Variants in FAM169A observed in about 807,000 individuals in gnomAD.
FAM169A encodes the protein soluble lamin-associated protein of 75 kDa.
In FAM169A, 24 loss-of-function variants were observed where a neutral mutation model predicts 75.7. That is an observed-to-expected ratio of 0.32 (90% CI 0.23 to 0.45). The LOEUF (loss-of-function observed/expected upper bound fraction) is 0.45. Among genes scored for constraint, FAM169A ranks in the 20% least tolerant of loss-of-function variants. The pLI, the probability that FAM169A is intolerant of heterozygous loss-of-function variation, is 1.00. For synonymous variants in FAM169A, 271 were observed against 271.0 expected (o/e 1.00, Z 0.00); for missense variants, 673 against 784.0 (o/e 0.86, Z 1.69).
chr5:74,853,653 T>C (rs16872345), intron 1 of FAM169A, among the ~76,000 whole-genome samples: 22,110 of 151,750 alleles, frequency 0.15, 1,870 homozygotes, highest in African/African-American at 0.23. Flanking sequence ...CCTTGCAATA[T>C]AGTTTCTTCG....
At position 74,833,516 on chromosome 5, in the gene FAM169A, A is replaced by G. The variant is rs557916712; in HGVS notation, c.490+910T>C. Among the ~76,000 whole-genome samples the G allele has an allele frequency of 1.2e-4, 18 of 152,330 alleles. No homozygotes were observed. The East Asian group carries it at 2.3e-3, about 20-fold the overall frequency. Reference sequence around the variant, plus strand: ...GGAAAAAATGACCTTCCTTTTATGGACTATACGCACTAATTCTCATCACAA... The same window carrying G: ...GGAAAAAATGACCTTCCTTTTATGGGCTATACGCACTAATTCTCATCACAA... On this transcript the variant is annotated intron_variant, in intron 5 of 12. Coordinates refer to ENST00000687041, the MANE Select transcript of FAM169A (RefSeq NM_001376049.1).
chr5:74,811,763 T>A (rs1747204966), intron 6 of FAM169A, among the ~76,000 whole-genome samples: 1 of 152,212 alleles, frequency 6.6e-6, no homozygotes. Flanking sequence ...AAGTGATATG[T>A]CCATAAAATG....
chr5:74,866,014 C>G, intron 1 of FAM169A, 151 bp downstream of exon 1: 1 of 218,134 alleles, frequency 4.6e-6, no homozygotes, highest in Middle Eastern at 2.4e-3. Context: ...CACTGGTCTG[C>G]GCCAGGCCCA....
Position 74,806,626 on chromosome 5 carries a change from T to C in FAM169A, c.671-1342A>G, listed in dbSNP as rs182651254. Among the ~76,000 whole-genome samples the C allele has an allele frequency of 5.8e-4, 88 of 152,258 alleles. 1 individual carries two copies. The highest frequency in any genetic ancestry group is 1.9e-4 in the Non-Finnish European group (13 of 68,004). The stretch of plus-strand genomic sequence containing the variant: ...CTATTACCAGCACTGTCCAATACAG[T>C]AGCCACTAGCCACATGTGACTACTG... On this transcript the variant is annotated intron_variant, in intron 6 of 12. Coordinates refer to ENST00000687041, the MANE Select transcript of FAM169A (RefSeq NM_001376049.1).
At chr5:74,808,210 A>G (rs1014132855) in intron 6 of FAM169A, among the ~76,000 whole-genome samples, 6 of 152,254 alleles carry the variant, frequency 3.9e-5, no homozygotes, top group African/African-American at 1.4e-4. Flanking sequence ...GCCAAAAGGT[A>G]GAAACAACCT....
chr5:74,805,993 A>AAG (rs60158335), intron 6 of FAM169A, among the ~76,000 whole-genome samples: 1 of 150,744 alleles, frequency 6.6e-6, no homozygotes, highest in Non-Finnish European at 1.5e-5. Context: ...AAAAAAAAAA[A>AAG]GAAATAATAT....
chr5:74,791,270 T>C (rs571741887), intron 11 of FAM169A, among the ~76,000 whole-genome samples: 3 of 152,280 alleles, frequency 2.0e-5, no homozygotes, highest in Non-Finnish European at 2.9e-5. Context: ...ATCCAGTATA[T>C]GGTACTGTTT....
intron 5 of FAM169A, among the ~76,000 whole-genome samples, chr5:74,831,587 T>A (rs1748312607): frequency 6.6e-6 from 1 of 152,140 alleles, no homozygotes; most frequent in Non-Finnish European, 1.5e-5. Context: ...AATCCAAACA[T>A]CCAAAATCTG....
intron 6 of FAM169A, among the ~76,000 whole-genome samples, chr5:74,805,946 T>A (rs1746854637): frequency 8.8e-6 from 1 of 113,050 alleles, no homozygotes; most frequent in African/African-American, 3.5e-5. Flanking sequence ...ATTCAGTATG[T>A]ACAACTATTA....
intron 1 of FAM169A, chr5:74,865,367 G>A (rs1381808660): frequency 1.3e-5 from 2 of 152,150 alleles, no homozygotes; most frequent in African/African-American, 2.4e-5. Flanking sequence ...CCCAGCGGGG[G>A]AAGGTGACCT....
chr5:74,812,969 T>C (rs550816374), intron 6 of FAM169A, among the ~76,000 whole-genome samples: 1 of 152,206 alleles, frequency 6.6e-6, no homozygotes, highest in Non-Finnish European at 1.5e-5. Context: ...AGCCATACAA[T>C]GGAATATTAT....
At chr5:74,799,632 C>T (rs1272772665) in intron 10 of FAM169A, 31 of 1,393,758 alleles carry the variant, frequency 2.2e-5, no homozygotes, top group Admixed American at 1.7e-4. Context: ...TCAGCTTCTC[C>T]GCCAGTGGGA....
At chr5:74,845,826 A>C (rs1749127973) in intron 1 of FAM169A, among the ~76,000 whole-genome samples, 1 of 152,238 alleles carries the variant, frequency 6.6e-6, no homozygotes, top group Non-Finnish European at 1.5e-5. Flanking sequence ...GAAAAGGATC[A>C]CAAAATAAAA....
chr5:74,782,806 A>G, intron 12 of FAM169A, 125 bp downstream of exon 12: 1 of 567,760 alleles, frequency 1.8e-6, no homozygotes, highest in South Asian at 3.1e-5. Context: ...ATCTAGTATA[A>G]AAGTTAATCT....
chr5:74,824,075 C>T (rs1482041556), intron 5 of FAM169A, among the ~76,000 whole-genome samples: 2 of 152,108 alleles, frequency 1.3e-5, no homozygotes, highest in African/African-American at 4.8e-5. Context: ...AGAAAAAATG[C>T]TTCCATTACA....
At position 74,778,899 on chromosome 5, in the gene FAM169A, A is replaced by G. The variant is rs925513436; in HGVS notation, c.*2561T>C. On this transcript the variant is annotated 3_prime_UTR_variant, in exon 13 of 13. Transcript: ENST00000687041. ...CCTCTGTAATTGTGAAATTTTTTCTAATGCCTTGCAAAAACTACAGATAAC... is the reference window on the plus strand; with the variant it reads ...CCTCTGTAATTGTGAAATTTTTTCTGATGCCTTGCAAAAACTACAGATAAC... 6.6e-6 allele frequency: 1 copy of G among 152,096 alleles called. No homozygotes were observed. The highest frequency in any genetic ancestry group is 1.5e-5 in the Non-Finnish European group (1 of 67,920). 9.4% of individuals were successfully genotyped at this position (152,096 alleles called of 1,614,324 possible). A position where few individuals can be genotyped will look rare whatever the true frequency, so the allele number is the denominator to read the frequency against.
At chr5:74,837,122 T>C (rs911781048) in intron 4 of FAM169A, among the ~76,000 whole-genome samples, 3 of 152,182 alleles carry the variant, frequency 2.0e-5, no homozygotes, top group East Asian at 3.8e-4. Context: ...TATTAAGATT[T>C]TCCCTTCTCC....
Position 74,796,098 on chromosome 5 carries a change from T to C in FAM169A, c.1192A>G (p.Ser398Gly). The C allele has an allele frequency of 1.2e-6, 2 of 1,614,170 alleles. No homozygotes were observed. Among genetic ancestry groups the C allele is most frequent in the East Asian group, 2.2e-5 (1 of 44,878 alleles). Residue 398 changes from serine (S) to glycine (G), a missense_variant, in exon 11 of 13, where the codon AGC (serine) becomes GGC (glycine). Around this residue, in one of 3 missense-constraint regions of FAM169A, gnomAD observed 510 missense variants for 550.9 expected, o/e 0.93. Coordinates refer to ENST00000687041, the MANE Select transcript of FAM169A (RefSeq NM_001376049.1). Reference sequence around the variant, plus strand: ...GCTGGCCGTGCATCTCTATCACTGCTTTCATCCTCAAATTCAATCCCTCTC... The same window carrying C: ...GCTGGCCGTGCATCTCTATCACTGCCTTCATCCTCAAATTCAATCCCTCTC... ...EQRGIEFEDESSDRDARPALE... is the reference protein window; with the variant it reads ...EQRGIEFEDEGSDRDARPALE...
intron 5 of FAM169A, among the ~76,000 whole-genome samples, chr5:74,833,530 T>G (rs1438339927): frequency 6.6e-6 from 1 of 152,214 alleles, no homozygotes; most frequent in Non-Finnish European, 1.5e-5. Flanking sequence ...TACGCACTAA[T>G]TCTCATCACA....
Sources: allele counts gnomAD v4.1 joint callset (sites outside exome capture counted in the v4.1 genomes callset), GRCh38; gene constraint gnomAD v4.1.1; regional missense constraint gnomAD v4.1.1; transcripts MANE v1.5; gene names NCBI Gene and HGNC (gene_info 2026-07-23, HGNC 2026-07-21).